Variants in MRRF observed in about 807,000 individuals in gnomAD.
MRRF encodes mitochondrial ribosome recycling factor, also known as ribosome-recycling factor, mitochondrial.
In MRRF, 18 loss-of-function variants were observed where a neutral mutation model predicts 25.1. That is an observed-to-expected ratio of 0.72 (90% CI 0.50 to 1.06). The LOEUF (loss-of-function observed/expected upper bound fraction) is 1.06. Among genes scored for constraint, MRRF ranks in the 50% least tolerant of loss-of-function variants. The pLI is 0.00. For synonymous variants in MRRF, 113 were observed against 112.1 expected, an observed-to-expected ratio of 1.01 and a Z score of -0.05; for missense variants, 323 against 319.3, an observed-to-expected ratio of 1.01 and a Z score of -0.09.
chr9:122,304,731 T>C lies in MRRF; in HGVS notation c.552-8496T>C, dbSNP rs151029223. Among the ~76,000 whole-genome samples the C allele has an allele frequency of 3.1e-3, 469 of 152,316 alleles. 2 individuals are homozygous for C. The highest frequency in any genetic ancestry group is 0.011 in the African/African-American group (447 of 41,560). On this transcript the variant is annotated intron_variant, in intron 5 of 6. Transcript: ENST00000344641. The stretch of plus-strand genomic sequence containing the variant: ...ACGTGTTGGGGAGTAGCATGAATTA[T>C]ATATCTAAGCCGGTCTTAATGTGAG...
At chr9:122,299,035 G>C (rs1834270455) in intron 5 of MRRF, among the ~76,000 whole-genome samples, 1 of 152,038 alleles carries the variant, frequency 6.6e-6, no homozygotes, top group Non-Finnish European at 1.5e-5. Flanking sequence ...GAGTCTACCT[G>C]GGATGTTCAA....
At chr9:122,316,001 A>G (rs1023652795) in intron 6 of MRRF, among the ~76,000 whole-genome samples, 9 of 152,072 alleles carry the variant, frequency 5.9e-5, no homozygotes, top group African/African-American at 2.2e-4. Context: ...TTAAGTGAAA[A>G]TAGCTGTATT....
chr9:122,317,130 C>T (rs1835583055), intron 6 of MRRF, among the ~76,000 whole-genome samples: 1 of 151,012 alleles, frequency 6.6e-6, no homozygotes, highest in Non-Finnish European at 1.5e-5. Context: ...ACTGGAACGT[C>T]CCAAGTGTGG....
chr9:122,298,754 A>G (rs564111057), intron 5 of MRRF, among the ~76,000 whole-genome samples: 134 of 152,304 alleles, frequency 8.8e-4, no homozygotes, highest in Admixed American at 3.5e-3. Context: ...TTAATGGAAC[A>G]TTTACTGGGG....
chr9:122,280,395 C>T, intron 2 of MRRF, 48 bp from the exon 3 acceptor site: 1 of 1,606,394 alleles, frequency 6.2e-7, no homozygotes, highest in Non-Finnish European at 8.5e-7. Flanking sequence ...TGCTTATTGG[C>T]TCTGTTTATG....
chr9:122,305,707 T>C (rs1834799010), intron 5 of MRRF, among the ~76,000 whole-genome samples: 1 of 152,208 alleles, frequency 6.6e-6, no homozygotes, highest in African/African-American at 2.4e-5. Context: ...CCTTATCTTC[T>C]TCTCTTGCTT....
chr9:122,316,612 G>A (rs900951793), intron 6 of MRRF, among the ~76,000 whole-genome samples: 3 of 152,134 alleles, frequency 2.0e-5, no homozygotes, highest in African/African-American at 2.4e-5. Flanking sequence ...TTTGGTGTGT[G>A]TGTGTGTGTA....
Position 122,313,368 on chromosome 9 carries a change from T to G in MRRF, c.693T>G (p.Ile231Met). 1 of 1,614,056 alleles carries G rather than the reference T, an allele frequency of 6.2e-7. No homozygotes were observed. Among genetic ancestry groups the G allele is most frequent in the South Asian group, 1.1e-5 (1 of 91,080 alleles). The change falls in exon 6 of 7, where the codon ATT (isoleucine) becomes ATG (methionine). Residue 231 changes from isoleucine (I) to methionine (M), a missense_variant. Transcript: ENST00000344641. Reference sequence around the variant, plus strand: ...AGGATACAGTCTCAGAGGACACCATTAGGCTAATAGAGAAACAGGTACTAT... The same window carrying G: ...AGGATACAGTCTCAGAGGACACCATGAGGCTAATAGAGAAACAGGTACTAT... Reference protein sequence around the residue: ...KSKDTVSEDTIRLIEKQISQM... With the variant: ...KSKDTVSEDTMRLIEKQISQM...
chr9:122,292,999 A>C (rs557654465), intron 5 of MRRF, among the ~76,000 whole-genome samples: 73 of 152,322 alleles, frequency 4.8e-4, no homozygotes, highest in Non-Finnish European at 7.6e-4. Flanking sequence ...CAGTAAACAA[A>C]ACAAACAACA....
intron 1 of MRRF, among the ~76,000 whole-genome samples, chr9:122,268,127 A>G (rs113148119): frequency 6.6e-6 from 1 of 152,348 alleles, no homozygotes; most frequent in African/African-American, 2.4e-5. Context: ...TAAAGGACCT[A>G]AAGGACTGCT....
At chr9:122,278,873 C>T (rs138474412) in intron 2 of MRRF, among the ~76,000 whole-genome samples, 8 of 151,964 alleles carry the variant, frequency 5.3e-5, no homozygotes, top group East Asian at 3.9e-4. Context: ...TTTCTCAATC[C>T]GAAGATCCAC....
intron 2 of MRRF, among the ~76,000 whole-genome samples, chr9:122,279,626 A>G (rs1006519857): frequency 2.0e-5 from 3 of 152,256 alleles, no homozygotes; most frequent in African/African-American, 4.8e-5. Context: ...GAAATTATCT[A>G]TGTATACACC....
rs550056054 is a variant in MRRF, at chr9:122,318,075, G to C, written c.712-4465G>C. ...TCGCTTGAACCCGGGAGGCAGAGCT[G>C]CAGTGAGCCGAAATCGCGCCACTAC... On this transcript the variant is annotated intron_variant, in intron 6 of 6. Coordinates refer to ENST00000344641, the MANE Select transcript of MRRF (RefSeq NM_138777.5). Among the ~76,000 whole-genome samples, 16 of 152,268 alleles carry C rather than the reference G, an allele frequency of 1.1e-4. No individual in the cohort carries two copies. The East Asian group carries it at 2.9e-3, about 28-fold the overall frequency.
intron 5 of MRRF, among the ~76,000 whole-genome samples, chr9:122,297,786 C>T (rs192249688): frequency 3.9e-5 from 6 of 152,228 alleles, no homozygotes; most frequent in South Asian, 2.1e-4. Flanking sequence ...CATAGTACTG[C>T]GCTTCTTAGA....
At chr9:122,276,418 A>G (rs992015600) in intron 2 of MRRF, among the ~76,000 whole-genome samples, 4 of 152,172 alleles carry the variant, frequency 2.6e-5, no homozygotes, top group African/African-American at 7.2e-5. Context: ...GGCCTTCCAG[A>G]GCGCTGGGAT....
At chr9:122,293,056 A>G (rs1319715806) in intron 5 of MRRF, among the ~76,000 whole-genome samples, 3 of 152,224 alleles carry the variant, frequency 2.0e-5, no homozygotes, top group Non-Finnish European at 4.4e-5. Context: ...GCATAGGCAC[A>G]GTAAATAAGT....
At chr9:122,320,019 C>T (rs1198039306) in intron 6 of MRRF, among the ~76,000 whole-genome samples, 2 of 151,672 alleles carry the variant, frequency 1.3e-5, no homozygotes, top group Non-Finnish European at 2.9e-5. Flanking sequence ...GGACTACAGG[C>T]GTGTGCCACC....
At chr9:122,271,975 C>T (rs538455240) in intron 2 of MRRF, among the ~76,000 whole-genome samples, 2 of 152,242 alleles carry the variant, frequency 1.3e-5, no homozygotes, top group East Asian at 1.9e-4. Flanking sequence ...TAACAAATTA[C>T]TGGAAGAACA....
chr9:122,305,325 C>T (rs866579151), intron 5 of MRRF, among the ~76,000 whole-genome samples: 3 of 150,594 alleles, frequency 2.0e-5, no homozygotes, highest in Non-Finnish European at 4.4e-5. Context: ...GCAGGAGAAT[C>T]ACTTGAACCT....
Sources: allele counts gnomAD v4.1 joint callset (sites outside exome capture counted in the v4.1 genomes callset), GRCh38; gene constraint gnomAD v4.1.1; transcripts MANE v1.5; gene names NCBI Gene and HGNC (gene_info 2026-07-23, HGNC 2026-07-21).